GRIK4: variants seen among roughly 807,000 people sequenced by gnomAD.
The protein encoded by GRIK4 is glutamate receptor ionotropic, kainate 4.
Under a neutral mutation model 104.9 loss-of-function variants are expected in GRIK4, and 40 were observed. The ratio of observed to expected loss-of-function variants is 0.38; its 90% CI spans 0.30 to 0.50. GRIK4 has a LOEUF of 0.50. Ranked by LOEUF, GRIK4 falls within the 20% of genes least tolerant of loss-of-function variation. GRIK4 has a pLI of 0.93. For synonymous variants in GRIK4, 485 were observed against 524.9 expected (o/e 0.92, Z 1.04); for missense variants, 1,047 against 1,308.1 (o/e 0.80, Z 3.08).
intron 3 of GRIK4, among the ~76,000 whole-genome samples, chr11:120,740,603 G>C (rs996311598): frequency 2.3e-4 from 35 of 152,222 alleles, no homozygotes; most frequent in Non-Finnish European, 4.6e-4. Flanking sequence ...GGTAACTTGG[G>C]AGGAACTATC....
At chr11:120,666,130 G>C (rs958350744) in intron 3 of GRIK4, among the ~76,000 whole-genome samples, 4 of 152,198 alleles carry the variant, frequency 2.6e-5, no homozygotes, top group Non-Finnish European at 5.9e-5. Flanking sequence ...CCAACCGCCT[G>C]GGTGACATTT....
At chr11:120,800,945 A>G (rs943654317) in intron 3 of GRIK4, among the ~76,000 whole-genome samples, 12 of 151,464 alleles carry the variant, frequency 7.9e-5, no homozygotes, top group Admixed American at 6.5e-4. Flanking sequence ...CTTTCTTGAG[A>G]TATAACTTGC....
intron 2 of GRIK4, among the ~76,000 whole-genome samples, chr11:120,657,199 G>C (rs1949724680): frequency 6.6e-6 from 1 of 152,156 alleles, no homozygotes; most frequent in African/African-American, 2.4e-5. Context: ...AGGCCCTGGG[G>C]ATATAGTCCA....
chr11:120,702,145 G>C (rs1950562960), intron 3 of GRIK4, among the ~76,000 whole-genome samples: 1 of 152,024 alleles, frequency 6.6e-6, no homozygotes, highest in South Asian at 2.1e-4. Context: ...TAGTAGAGAT[G>C]GGGTTTCACC....
chr11:120,703,360 AG>A (rs1477379434), intron 3 of GRIK4, among the ~76,000 whole-genome samples: 1 of 152,092 alleles, frequency 6.6e-6, no homozygotes, highest in Non-Finnish European at 1.5e-5. Flanking sequence ...AATGTTCTAA[AG>A]GGGGCTGGAT....
chr11:120,900,413 T>C (rs1942699640), intron 12 of GRIK4, among the ~76,000 whole-genome samples: 1 of 152,190 alleles, frequency 6.6e-6, no homozygotes, highest in Non-Finnish European at 1.5e-5. Context: ...TGACTGTTTA[T>C]TGGGTGCTGC....
In GRIK4 at chr11:120,830,899, A is replaced by G. The variant is rs568781977; in HGVS notation, c.512-953A>G. 4.1e-5 allele frequency among the ~76,000 whole-genome samples: 5 copies of G among 121,384 alleles called. No individual in the cohort carries two copies. The South Asian group carries it at 8.4e-4, about 20-fold the overall frequency. 79.6% of individuals were successfully genotyped at this position (121,384 alleles called of 152,430 possible). On this transcript the variant is annotated intron_variant, in intron 6 of 20. Coordinates refer to ENST00000527524, the MANE Select transcript of GRIK4 (RefSeq NM_014619.5). ...CCCACATTTCCCTCCCCCACCCCAT[A>G]CACACATACCCTCTGCTGGCTGGCA...
At chr11:120,600,657 C>T (rs543612901) in intron 1 of GRIK4, among the ~76,000 whole-genome samples, 1 of 152,314 alleles carries the variant, frequency 6.6e-6, no homozygotes, top group Admixed American at 6.5e-5. Flanking sequence ...TTCTGGGAGT[C>T]CCTGGCATTA....
At chr11:120,754,117 A>G (rs1951611563) in intron 3 of GRIK4, among the ~76,000 whole-genome samples, 1 of 151,948 alleles carries the variant, frequency 6.6e-6, no homozygotes, top group African/African-American at 2.4e-5. Context: ...TGCAACCTCC[A>G]CTTCCCGAGT....
At chr11:120,980,432 T>A (rs1308526980) in intron 19 of GRIK4, among the ~76,000 whole-genome samples, 1 of 152,200 alleles carries the variant, frequency 6.6e-6, no homozygotes, top group Non-Finnish European at 1.5e-5. Context: ...CTTGGTACAT[T>A]CCCTTTTAAG....
chr11:120,760,768 C>T (rs1262385261), intron 3 of GRIK4, among the ~76,000 whole-genome samples: 1 of 152,128 alleles, frequency 6.6e-6, no homozygotes, highest in Non-Finnish European at 1.5e-5. Context: ...CTGCAAAGGA[C>T]ACGAACTCAT....
chr11:120,615,972 A>T (rs1351490777), intron 1 of GRIK4, among the ~76,000 whole-genome samples: 1 of 151,972 alleles, frequency 6.6e-6, no homozygotes, highest in African/African-American at 2.4e-5. Context: ...GGTTACAAAG[A>T]GGGCAGAGGG....
chr11:120,807,967 G>A (rs930416466), intron 4 of GRIK4, among the ~76,000 whole-genome samples: 1 of 152,202 alleles, frequency 6.6e-6, no homozygotes, highest in Non-Finnish European at 1.5e-5. Flanking sequence ...GTCAGAACTA[G>A]GAGGTAGGCA....
intron 16 of GRIK4, among the ~76,000 whole-genome samples, chr11:120,958,387 C>T (rs1050191218): frequency 2.0e-5 from 3 of 152,240 alleles, no homozygotes; most frequent in African/African-American, 7.2e-5. Context: ...TGCAAGCCGC[C>T]GTGACAGGCC....
At chr11:120,562,744 C>G (rs1453136907) in intron 1 of GRIK4, among the ~76,000 whole-genome samples, 1 of 152,202 alleles carries the variant, frequency 6.6e-6, no homozygotes. Flanking sequence ...GGTTGAGATC[C>G]TCTGGTGGTG....
chr11:120,512,416 T>C (rs1947673489), intron 1 of GRIK4, among the ~76,000 whole-genome samples: 2 of 148,788 alleles, frequency 1.3e-5, no homozygotes, highest in South Asian at 4.3e-4. Flanking sequence ...CCTCCCCCTT[T>C]CCTCACTGCC....
chr11:120,941,898 C>CT (rs1308890748), intron 14 of GRIK4, among the ~76,000 whole-genome samples: 3 of 152,152 alleles, frequency 2.0e-5, no homozygotes, highest in African/African-American at 7.2e-5. Context: ...AGTTGTGGTA[C>CT]TTTTTTATGG....
Position 120,821,232 on chromosome 11 carries a change from C to T in GRIK4, c.511+1312C>T, listed in dbSNP as rs943133289. ...GTGTCAAATGTGCAATGTGGCCAGTCGAGGAGAGTGTCCCTGAGTACAGGG... is the reference window on the plus strand; with the variant it reads ...GTGTCAAATGTGCAATGTGGCCAGTTGAGGAGAGTGTCCCTGAGTACAGGG... On this transcript the variant is annotated intron_variant, in intron 6 of 20. Coordinates refer to ENST00000527524, the MANE Select transcript of GRIK4 (RefSeq NM_014619.5). 3.3e-5 allele frequency among the ~76,000 whole-genome samples: 5 copies of T among 152,266 alleles called. No individual in the cohort carries two copies. The East Asian group carries it at 5.8e-4, about 18-fold the overall frequency.
intron 14 of GRIK4, among the ~76,000 whole-genome samples, chr11:120,942,282 G>A (rs1324871863): frequency 6.6e-6 from 1 of 152,196 alleles, no homozygotes; most frequent in African/African-American, 2.4e-5. Context: ...CCAGGAGGGT[G>A]TCTTGCCATC....
Sources: allele counts gnomAD v4.1 joint callset (sites outside exome capture counted in the v4.1 genomes callset), GRCh38; gene constraint gnomAD v4.1.1; transcripts MANE v1.5; gene names NCBI Gene and HGNC (gene_info 2026-07-23, HGNC 2026-07-21).